The following AQR variants were observed in gnomAD, a reference collection of about 807,000 sequenced individuals.
AQR encodes aquarius intron-binding spliceosomal factor, also known as RNA helicase aquarius.
AQR carries 61 observed loss-of-function variants against 180.5 expected under a neutral mutation model. That is an observed-to-expected ratio of 0.34 (90% CI 0.28 to 0.42). The LOEUF (loss-of-function observed/expected upper bound fraction) is 0.42, where lower values mean the gene tolerates loss of function less well. Ranked by LOEUF, AQR falls within the 10% of genes least tolerant of loss-of-function variation. The pLI is 1.00. For synonymous variants in AQR, 551 were observed against 588.8 expected (o/e 0.94, Z 0.93); for missense variants, 1,281 against 1,798.3 (o/e 0.71, Z 5.20).
chr15:34,963,169 C>T (rs1031126562), intron 2 of AQR, among the ~76,000 whole-genome samples: 2 of 151,740 alleles, frequency 1.3e-5, no homozygotes, highest in Admixed American at 1.3e-4. Flanking sequence ...TTTGTAAAGG[C>T]GAGATCTCAC....
intron 16 of AQR, among the ~76,000 whole-genome samples, chr15:34,912,454 T>C (rs1893515345): frequency 6.6e-6 from 1 of 152,098 alleles, no homozygotes; most frequent in African/African-American, 2.4e-5. Context: ...ATCCTCTTCA[T>C]AAAGACCATT....
At chr15:34,957,260 G>A (rs554524410) in intron 3 of AQR, among the ~76,000 whole-genome samples, 9 of 152,064 alleles carry the variant, frequency 5.9e-5, no homozygotes, top group African/African-American at 1.9e-4. Context: ...GGGTTCAAGC[G>A]ATTCTCCTGC....
intron 33 of AQR, 85 bp from the exon 34 acceptor site, chr15:34,860,240 T>C (rs755506433): frequency 5.2e-6 from 3 of 574,164 alleles, no homozygotes; most frequent in Non-Finnish European, 5.5e-6. Context: ...TTCTTAATCT[T>C]ATGAATAAGC....
At chr15:34,926,721 A>T (rs1281386551) in intron 13 of AQR, among the ~76,000 whole-genome samples, 1 of 152,222 alleles carries the variant, frequency 6.6e-6, no homozygotes, top group African/African-American at 2.4e-5. Flanking sequence ...ATCACACATA[A>T]TGAATCTTTA....
At chr15:34,890,407 G>A in intron 23 of AQR, 83 bp from the exon 24 acceptor site, 1 of 1,162,904 alleles carries the variant, frequency 8.6e-7, no homozygotes, top group South Asian at 1.4e-5. Context: ...TTGAAACACA[G>A]AAGGAAATCA....
At chr15:34,870,998 A>G in intron 30 of AQR, 76 bp from the exon 31 acceptor site, 1 of 1,466,120 alleles carries the variant, frequency 6.8e-7, no homozygotes, top group South Asian at 1.3e-5. Context: ...TCTCATCTAG[A>G]TAAGCAAAAC....
At chr15:34,873,364 G>A (rs756622234) in intron 30 of AQR, among the ~76,000 whole-genome samples, 13 of 152,094 alleles carry the variant, frequency 8.5e-5, no homozygotes, top group Non-Finnish European at 1.9e-4. Flanking sequence ...TGTTATAGAA[G>A]TGAAAATGTA....
At chr15:34,910,077 TAAGTGA>T in intron 17 of AQR, 52 bp downstream of exon 17, 4 of 1,568,644 alleles carry the variant, frequency 2.5e-6, no homozygotes, top group Non-Finnish European at 3.5e-6. Flanking sequence ...GTTAATGCTC[TAAGTGA>T]AAGTTCATAA....
chr15:34,914,514 G>C (rs1595795560), intron 16 of AQR, among the ~76,000 whole-genome samples: 2 of 152,228 alleles, frequency 1.3e-5, no homozygotes, highest in South Asian at 4.1e-4. Flanking sequence ...TATGGGTAGA[G>C]AGACAGAGAT....
At chr15:34,964,047 GT>G (rs1482620679) in intron 2 of AQR, among the ~76,000 whole-genome samples, 186 bp downstream of exon 2, 3 of 152,118 alleles carry the variant, frequency 2.0e-5, no homozygotes, top group African/African-American at 4.8e-5. Context: ...TTTCTTATGT[GT>G]AGTTTCTATG....
intron 17 of AQR, among the ~76,000 whole-genome samples, chr15:34,907,767 A>C (rs771820754): frequency 1.3e-5 from 2 of 152,226 alleles, no homozygotes; most frequent in Non-Finnish European, 2.9e-5. Flanking sequence ...GTGATGTCTG[A>C]TCTGCACAGC....
chr15:34,903,016 G>T (rs1893355709), intron 19 of AQR, among the ~76,000 whole-genome samples: 1 of 152,114 alleles, frequency 6.6e-6, no homozygotes, highest in African/African-American at 2.4e-5. Context: ...AGAAAATGAT[G>T]AGAAGGGAAG....
chr15:34,951,625 C>A (rs1407911217), intron 4 of AQR, among the ~76,000 whole-genome samples: 1 of 148,910 alleles, frequency 6.7e-6, no homozygotes, highest in Admixed American at 6.8e-5. Context: ...GAGCCGAGAT[C>A]GTGCCACTGC....
Position 34,969,689 on chromosome 15 carries a change from T to C in AQR, c.-76A>G, listed in dbSNP as rs769578029. ...AGCGGCAACCCTGGTCCACTTCCCT[T>C]AAGTTACTGCCGGGGCGCTTAACTC... On this transcript the variant is annotated 5_prime_UTR_variant, in exon 1 of 35. Coordinates refer to ENST00000156471, the MANE Select transcript of AQR (RefSeq NM_014691.3). The C allele has an allele frequency of 2.1e-5, 30 of 1,455,664 alleles. No homozygotes were observed. The highest frequency in any genetic ancestry group is 2.7e-5 in the Non-Finnish European group (29 of 1,075,398). The allele number at this position is 1,455,664 out of a possible 1,614,324, so 90.2% of individuals were successfully genotyped here. A position where few individuals can be genotyped will look rare whatever the true frequency, so the allele number is the denominator to read the frequency against.
At chr15:34,909,989 G>A in intron 17 of AQR, 146 bp downstream of exon 17, 1 of 851,310 alleles carries the variant, frequency 1.2e-6, no homozygotes, top group Non-Finnish European at 1.8e-6. Flanking sequence ...TAGAAAAAAA[G>A]TTGCTATTCT....
At chr15:34,936,463 C>T (rs760061585) in intron 9 of AQR, among the ~76,000 whole-genome samples, 6 of 152,132 alleles carry the variant, frequency 3.9e-5, no homozygotes, top group Non-Finnish European at 7.4e-5. Flanking sequence ...CACCTGAAAT[C>T]CCAGCACTTT....
chr15:34,947,200 G>GGT (rs1894141210), intron 5 of AQR, among the ~76,000 whole-genome samples: 1 of 151,572 alleles, frequency 6.6e-6, no homozygotes, highest in East Asian at 1.9e-4. Flanking sequence ...CCTGTTGATC[G>GGT]GTGACCTTAC....
chr15:34,860,219 C>T, intron 33 of AQR, 64 bp from the exon 34 acceptor site: 1 of 716,060 alleles, frequency 1.4e-6, no homozygotes, highest in Non-Finnish European at 2.1e-6. Flanking sequence ...AACACTTCAA[C>T]ATAAACCCAT....
chr15:34,858,335 AAAAAAAGAAAACGAAAAAG>A (rs1316775856), intron 34 of AQR, among the ~76,000 whole-genome samples: 2 of 150,968 alleles, frequency 1.3e-5, no homozygotes, highest in Non-Finnish European at 3.0e-5. Flanking sequence ...AAAAAAAAAA[AAAAAAAGAAAACGAAAAAG>A]AAAAATACTT....
Sources: gnomAD v4.1 joint callset for allele counts (sites outside exome capture counted in the v4.1 genomes callset) on GRCh38, gnomAD v4.1.1 for gene constraint, MANE v1.5 for transcripts, NCBI Gene and HGNC (gene_info 2026-07-23, HGNC 2026-07-21) for gene names.